Variants in FAM117B observed in about 807,000 individuals in gnomAD.
The protein encoded by FAM117B is family with sequence similarity 117 member B, also known as protein FAM117B.
A neutral mutation model predicts 52.8 loss-of-function variants in FAM117B; 22 were observed. The ratio of observed to expected loss-of-function variants is 0.42; its 90% CI spans 0.30 to 0.59. FAM117B has a LOEUF of 0.59. FAM117B is among the 20% of genes least tolerant of loss of function. The pLI, the probability that FAM117B is intolerant of heterozygous loss-of-function variation, is 0.22. For synonymous variants in FAM117B, 309 were observed against 324.1 expected, an observed-to-expected ratio of 0.95 and a Z score of 0.50; for missense variants, 678 against 802.6, an observed-to-expected ratio of 0.84 and a Z score of 1.88.
At chr2:202,715,863 T>C (rs1451664631) in intron 2 of FAM117B, among the ~76,000 whole-genome samples, 1 of 152,158 alleles carries the variant, frequency 6.6e-6, no homozygotes, top group Non-Finnish European at 1.5e-5. Context: ...GCGGATCACT[T>C]GCGGTTAGGA....
chr2:202,744,234 G>T (rs949950311), intron 4 of FAM117B, among the ~76,000 whole-genome samples: 25 of 152,208 alleles, frequency 1.6e-4, no homozygotes, highest in Non-Finnish European at 2.9e-4. Flanking sequence ...TTGGCTTGTG[G>T]TTCTGTAGAC....
chr2:202,731,457 GTC>G (rs915547883), intron 4 of FAM117B, among the ~76,000 whole-genome samples: 2 of 149,726 alleles, frequency 1.3e-5, no homozygotes, highest in African/African-American at 2.5e-5. Context: ...TTGGGATGGA[GTC>G]TCTCACTGTC....
intron 1 of FAM117B, among the ~76,000 whole-genome samples, chr2:202,666,128 G>A (rs905884152): frequency 6.6e-6 from 1 of 152,024 alleles, no homozygotes; most frequent in African/African-American, 2.4e-5. Flanking sequence ...GCTTAAATTG[G>A]GAATGGTATT....
At chr2:202,698,083 C>T (rs1483952155) in intron 2 of FAM117B, among the ~76,000 whole-genome samples, 1 of 152,102 alleles carries the variant, frequency 6.6e-6, no homozygotes, top group African/African-American at 2.4e-5. Context: ...GTTGGCCATG[C>T]TTATCTCGAA....
chr2:202,757,878 A>C (rs1371387185), intron 6 of FAM117B, among the ~76,000 whole-genome samples: 2 of 152,214 alleles, frequency 1.3e-5, no homozygotes, highest in Admixed American at 6.5e-5. Flanking sequence ...GATTTATATC[A>C]ATGCAGGATG....
chr2:202,741,061 C>G (rs993251834), intron 4 of FAM117B, among the ~76,000 whole-genome samples: 2 of 152,132 alleles, frequency 1.3e-5, no homozygotes, highest in South Asian at 2.1e-4. Context: ...ATCCCTACTT[C>G]TGTTTACATT....
chr2:202,651,108 G>A (rs977658362), intron 1 of FAM117B, among the ~76,000 whole-genome samples: 3 of 147,696 alleles, frequency 2.0e-5, no homozygotes, highest in African/African-American at 7.6e-5. Flanking sequence ...AGTCGCCCAG[G>A]CTGGAGTGCA....
intron 1 of FAM117B, among the ~76,000 whole-genome samples, chr2:202,674,581 G>T (rs1180714964): frequency 6.6e-6 from 1 of 152,188 alleles, no homozygotes; most frequent in Non-Finnish European, 1.5e-5. Context: ...TACTACCAAC[G>T]TCTTGAGTTG....
intron 4 of FAM117B, among the ~76,000 whole-genome samples, chr2:202,746,117 A>G (rs1691627595): frequency 6.6e-6 from 1 of 152,214 alleles, no homozygotes; most frequent in South Asian, 2.1e-4. Flanking sequence ...ACATTTACAG[A>G]ATTTTTCATC....
At chr2:202,663,948 A>T (rs887395247) in intron 1 of FAM117B, among the ~76,000 whole-genome samples, 3 of 152,202 alleles carry the variant, frequency 2.0e-5, no homozygotes, top group African/African-American at 7.2e-5. Context: ...CATTTTTGTT[A>T]ACTGTCCTGT....
At chr2:202,755,222 T>C (rs1038239140) in intron 4 of FAM117B, among the ~76,000 whole-genome samples, 5 of 152,210 alleles carry the variant, frequency 3.3e-5, no homozygotes, top group African/African-American at 9.6e-5. Context: ...AGTTATATTC[T>C]GAAATCTGAG....
At chr2:202,657,670 A>G (rs942603497) in intron 1 of FAM117B, among the ~76,000 whole-genome samples, 9 of 151,634 alleles carry the variant, frequency 5.9e-5, no homozygotes, top group Non-Finnish European at 1.2e-4. Flanking sequence ...AAATTTTTTT[A>G]GAGATGGGTT....
intron 7 of FAM117B, among the ~76,000 whole-genome samples, chr2:202,762,648 G>A (rs1691907729): frequency 1.3e-5 from 2 of 152,114 alleles, no homozygotes; most frequent in Non-Finnish European, 2.9e-5. Flanking sequence ...AGTAACGTTA[G>A]TATTTGCAGC....
At chr2:202,661,529 A>G (rs1690126790) in intron 1 of FAM117B, among the ~76,000 whole-genome samples, 1 of 152,336 alleles carries the variant, frequency 6.6e-6, no homozygotes, top group East Asian at 1.9e-4. Flanking sequence ...TTGTGGTCAG[A>G]TAGCTATTAA....
At chr2:202,697,958 C>T (rs929097517) in intron 2 of FAM117B, among the ~76,000 whole-genome samples, 1 of 152,206 alleles carries the variant, frequency 6.6e-6, no homozygotes, top group Admixed American at 6.5e-5. Context: ...AAACCTCCAC[C>T]TCCCGGGTTC....
chr2:202,756,245 C>T (rs962954284), intron 5 of FAM117B, among the ~76,000 whole-genome samples: 10 of 152,028 alleles, frequency 6.6e-5, no homozygotes, highest in African/African-American at 2.4e-4. Context: ...GGTGAAACCC[C>T]GTCTCTACTA....
intron 1 of FAM117B, among the ~76,000 whole-genome samples, chr2:202,674,259 T>C (rs1416859287): frequency 1.3e-5 from 2 of 152,242 alleles, no homozygotes; most frequent in African/African-American, 4.8e-5. Flanking sequence ...GGTTTGAAAC[T>C]GAGCTAATTA....
intron 2 of FAM117B, among the ~76,000 whole-genome samples, chr2:202,711,053 C>T (rs1488414793): frequency 6.6e-6 from 1 of 152,080 alleles, no homozygotes; most frequent in African/African-American, 2.4e-5. Flanking sequence ...TACTGATTTT[C>T]TTTCTTTCAG....
chr2:202,648,655 A>G (rs1201249545), intron 1 of FAM117B, among the ~76,000 whole-genome samples: 1 of 151,862 alleles, frequency 6.6e-6, no homozygotes, highest in Non-Finnish European at 1.5e-5. Flanking sequence ...CATTTAGATC[A>G]TTTCTAGCCT....
Sources: gnomAD v4.1 joint callset for allele counts (sites outside exome capture counted in the v4.1 genomes callset) on GRCh38, gnomAD v4.1.1 for gene constraint, MANE v1.5 for transcripts, NCBI Gene and HGNC (gene_info 2026-07-23, HGNC 2026-07-21) for gene names.